CDH13: variants seen among roughly 807,000 people sequenced by gnomAD.
The protein encoded by CDH13 is cadherin-13.
CDH13 carries 24 observed loss-of-function variants against 63.8 expected under a neutral mutation model. The ratio of observed to expected loss-of-function variants is 0.38; its 90% CI spans 0.27 to 0.53. The LOEUF (loss-of-function observed/expected upper bound fraction) is 0.53. Among genes scored for constraint, CDH13 ranks in the 20% least tolerant of loss-of-function variants. The pLI, the probability that CDH13 is intolerant of heterozygous loss-of-function variation, is 0.85. For synonymous variants in CDH13, 503 were observed against 355.3 expected (o/e 1.42, Z -4.67); for missense variants, 1,049 against 903.1 (o/e 1.16, Z -2.07).
chr16:83,458,222 C>G (rs942468030), intron 6 of CDH13, among the ~76,000 whole-genome samples: 4 of 152,200 alleles, frequency 2.6e-5, no homozygotes, highest in Non-Finnish European at 4.4e-5. Context: ...TGCTGTTTCT[C>G]CTGTACTTGA....
At chr16:83,551,325 C>T (rs1231770938) in intron 7 of CDH13, among the ~76,000 whole-genome samples, 5 of 151,788 alleles carry the variant, frequency 3.3e-5, no homozygotes, top group African/African-American at 1.2e-4. Flanking sequence ...CCTCGGCCTC[C>T]CATAGTGCTG....
At chr16:83,175,371 A>G (rs2038082922) in intron 4 of CDH13, among the ~76,000 whole-genome samples, 1 of 152,168 alleles carries the variant, frequency 6.6e-6, no homozygotes, top group South Asian at 2.1e-4. Flanking sequence ...CCCCCACGAT[A>G]GCCCACTGGT....
chr16:83,715,173 T>C (rs1908699671), intron 10 of CDH13, among the ~76,000 whole-genome samples: 1 of 152,258 alleles, frequency 6.6e-6, no homozygotes, highest in South Asian at 2.1e-4. Flanking sequence ...GAGTTCATGC[T>C]GGCATAAATA....
At chr16:83,175,836 T>C (rs1249195618) in intron 4 of CDH13, among the ~76,000 whole-genome samples, 1 of 145,690 alleles carries the variant, frequency 6.9e-6, no homozygotes, top group Non-Finnish European at 1.5e-5. Flanking sequence ...TTTTTTTTTT[T>C]TTTTTTTTTG....
At chr16:83,351,913 T>C (rs1159485707) in intron 6 of CDH13, among the ~76,000 whole-genome samples, 1 of 152,252 alleles carries the variant, frequency 6.6e-6, no homozygotes, top group Non-Finnish European at 1.5e-5. Flanking sequence ...TTTCTCCAGA[T>C]GACACTCAGT....
At chr16:83,370,007 C>T (rs192871528) in intron 6 of CDH13, among the ~76,000 whole-genome samples, 111 of 152,344 alleles carry the variant, frequency 7.3e-4, no homozygotes, top group African/African-American at 2.6e-3. Flanking sequence ...CCATCTGAAA[C>T]GATCTCCTCC....
At chr16:83,000,484 G>GC (rs1381342182) in intron 2 of CDH13, among the ~76,000 whole-genome samples, 2 of 150,208 alleles carry the variant, frequency 1.3e-5, no homozygotes. Context: ...CTGACCTCAG[G>GC]TGATCCACTC....
chr16:82,791,119 T>C (rs960161320), intron 1 of CDH13, among the ~76,000 whole-genome samples: 2 of 151,714 alleles, frequency 1.3e-5, no homozygotes, highest in Non-Finnish European at 1.5e-5. Flanking sequence ...TGCCTGCAGT[T>C]CCAGCTACTC....
chr16:82,922,276 T>C (rs1412807764), intron 2 of CDH13, among the ~76,000 whole-genome samples: 2 of 152,150 alleles, frequency 1.3e-5, no homozygotes, highest in Non-Finnish European at 2.9e-5. Context: ...AAAGAAGCCA[T>C]TGGCAAATTA....
At chr16:83,100,315 A>G (rs1304980136) in intron 3 of CDH13, among the ~76,000 whole-genome samples, 1 of 152,246 alleles carries the variant, frequency 6.6e-6, no homozygotes, top group African/African-American at 2.4e-5. Context: ...AATAAAGCAC[A>G]GAAGGGAAAT....
At chr16:83,411,448 C>T (rs552627695) in intron 6 of CDH13, among the ~76,000 whole-genome samples, 3 of 152,276 alleles carry the variant, frequency 2.0e-5, no homozygotes, top group Non-Finnish European at 2.9e-5. Context: ...AAAGCATGGG[C>T]CTTGTCTCTC....
chr16:83,529,341 C>A (rs140206884), intron 7 of CDH13, among the ~76,000 whole-genome samples: 3 of 151,930 alleles, frequency 2.0e-5, no homozygotes, highest in African/African-American at 7.2e-5. Context: ...TGAAAACTAG[C>A]CTAAAAAATA....
At chr16:83,286,236 GGC>G (rs1260656412) in intron 5 of CDH13, among the ~76,000 whole-genome samples, 2 of 152,150 alleles carry the variant, frequency 1.3e-5, no homozygotes, top group African/African-American at 4.8e-5. Flanking sequence ...ATCAGCCCCA[GGC>G]AGACCTCTCT....
intron 1 of CDH13, among the ~76,000 whole-genome samples, chr16:82,856,693 C>CAAAAAAA (rs56106728): frequency 3.4e-4 from 17 of 49,548 alleles, no homozygotes; most frequent in East Asian, 6.9e-4. Flanking sequence ...GACTCGGTCT[C>CAAAAAAA]AAAAAAAAAA....
intron 11 of CDH13, among the ~76,000 whole-genome samples, chr16:83,764,523 C>T (rs1408295725): frequency 6.6e-6 from 1 of 152,286 alleles, no homozygotes; most frequent in South Asian, 2.1e-4. Flanking sequence ...TAGCTGGTCC[C>T]CCACTGGAGT....
intron 4 of CDH13, among the ~76,000 whole-genome samples, chr16:83,136,499 A>G (rs868845187): frequency 4.6e-5 from 7 of 151,738 alleles, no homozygotes; most frequent in South Asian, 4.2e-4. Flanking sequence ...AAAAAAAAAA[A>G]AAAAAAAAGA....
chr16:82,817,382 A>C (rs1255867886), intron 1 of CDH13, among the ~76,000 whole-genome samples: 2 of 152,182 alleles, frequency 1.3e-5, no homozygotes, highest in African/African-American at 4.8e-5. Flanking sequence ...CTGCACAATA[A>C]GCCCAGTGGA....
chr16:82,948,155 A>G (rs546411233), intron 2 of CDH13, among the ~76,000 whole-genome samples: 60 of 152,302 alleles, frequency 3.9e-4, no homozygotes, highest in South Asian at 1.7e-3. Flanking sequence ...ATGAAACACC[A>G]TTTTGATTCC....
intron 1 of CDH13, among the ~76,000 whole-genome samples, chr16:82,723,653 T>G (rs1005464456): frequency 6.6e-6 from 1 of 152,226 alleles, no homozygotes; most frequent in Admixed American, 6.5e-5. Flanking sequence ...TCCAAACTCC[T>G]GTGCAAATAC....
Sources: allele counts gnomAD v4.1 joint callset (sites outside exome capture counted in the v4.1 genomes callset), GRCh38; gene constraint gnomAD v4.1.1; transcripts MANE v1.5; gene names NCBI Gene and HGNC (gene_info 2026-07-23, HGNC 2026-07-21).